GTF2IRD1: variants seen among roughly 807,000 people sequenced by gnomAD.
The protein encoded by GTF2IRD1 is GTF2I repeat domain containing 1, also known as general transcription factor II-I repeat domain-containing protein 1.
Under a neutral mutation model 113.2 loss-of-function variants are expected in GTF2IRD1, and 26 were observed. The observed-to-expected ratio is 0.23, with a 90% CI of 0.17 to 0.32. GTF2IRD1 has a LOEUF of 0.32. Ranked by LOEUF, GTF2IRD1 falls within the 10% of genes least tolerant of loss-of-function variation. The pLI is 1.00. For missense variants in GTF2IRD1, 864 were observed against 1,280.8 expected, an observed-to-expected ratio of 0.67 and a Z score of 4.97; for synonymous variants, 484 against 529.1, an observed-to-expected ratio of 0.91 and a Z score of 1.17.
intron 6 of GTF2IRD1, 105 bp downstream of exon 6, chr7:74,519,824 T>G: frequency 1.3e-6 from 1 of 772,350 alleles, no homozygotes; most frequent in Non-Finnish European, 2.1e-6. Flanking sequence ...CCTCTTAGGT[T>G]GGAAGGAGCC....
chr7:74,574,436 A>C (rs1583927589), intron 22 of GTF2IRD1, among the ~76,000 whole-genome samples: 1 of 145,370 alleles, frequency 6.9e-6, no homozygotes, highest in South Asian at 2.2e-4. Flanking sequence ...GAGCCACTAC[A>C]CCGGGCCTAG....
At chr7:74,532,957 G>A (rs1554349262) in intron 9 of GTF2IRD1, among the ~76,000 whole-genome samples, 1 of 151,920 alleles carries the variant, frequency 6.6e-6, no homozygotes, top group African/African-American at 2.4e-5. Flanking sequence ...ATAATCAGCT[G>A]CCTGAGGGCC....
intron 17 of GTF2IRD1, among the ~76,000 whole-genome samples, chr7:74,547,544 G>A (rs1207729991): frequency 4.0e-5 from 6 of 149,624 alleles, no homozygotes; most frequent in Admixed American, 3.4e-4. Context: ...CTTCAAGCGA[G>A]TCTCCTGCCT....
chr7:74,562,792 G>A (rs1735681992), intron 22 of GTF2IRD1, among the ~76,000 whole-genome samples: 1 of 151,880 alleles, frequency 6.6e-6, no homozygotes, highest in African/African-American at 2.4e-5. Flanking sequence ...TGACCAGGCT[G>A]GTCTCGAACT....
intron 1 of GTF2IRD1, among the ~76,000 whole-genome samples, chr7:74,502,603 G>A (rs556692557): frequency 1.3e-5 from 2 of 152,352 alleles, no homozygotes; most frequent in Admixed American, 6.5e-5. Context: ...CCCCAGCCTG[G>A]AGGCAGCCCT....
At chr7:74,566,006 A>ACACACACACAC (rs1800285278) in intron 22 of GTF2IRD1, among the ~76,000 whole-genome samples, 1 of 143,114 alleles carries the variant, frequency 7.0e-6, no homozygotes, top group African/African-American at 2.6e-5. Context: ...AAGACACACA[A>ACACACACACAC]ACACACACAC....
intron 9 of GTF2IRD1, among the ~76,000 whole-genome samples, chr7:74,531,974 G>A (rs1253179655): frequency 6.6e-6 from 1 of 152,138 alleles, no homozygotes; most frequent in Non-Finnish European, 1.5e-5. Flanking sequence ...TCACACCTCA[G>A]GGGCAGATAT....
At chr7:74,564,454 A>C (rs1800168598) in intron 22 of GTF2IRD1, among the ~76,000 whole-genome samples, 1 of 152,216 alleles carries the variant, frequency 6.6e-6, no homozygotes, top group African/African-American at 2.4e-5. Context: ...GTTCTGGGTC[A>C]AAAGAGATGA....
At chr7:74,517,831 G>C (rs1288068704) in intron 4 of GTF2IRD1, among the ~76,000 whole-genome samples, 2 of 151,984 alleles carry the variant, frequency 1.3e-5, no homozygotes, top group African/African-American at 4.8e-5. Flanking sequence ...CTGGGCCCTT[G>C]AGTCCCCGAT....
At chr7:74,576,813 G>A (rs1428923356) in intron 22 of GTF2IRD1, among the ~76,000 whole-genome samples, 2 of 151,226 alleles carry the variant, frequency 1.3e-5, no homozygotes, top group Non-Finnish European at 2.9e-5. Flanking sequence ...TAGAGACAGG[G>A]TTTCACCATG....
intron 1 of GTF2IRD1, among the ~76,000 whole-genome samples, chr7:74,460,044 C>T (rs1252345602): frequency 1.4e-5 from 2 of 146,510 alleles, no homozygotes; most frequent in East Asian, 2.1e-4. Flanking sequence ...GGCACAATCT[C>T]GGCTCACTGC....
intron 1 of GTF2IRD1, among the ~76,000 whole-genome samples, chr7:74,478,780 G>C (rs929898904): frequency 6.7e-6 from 1 of 148,536 alleles, no homozygotes; most frequent in African/African-American, 2.5e-5. Context: ...GGGTCTTGCT[G>C]TATTGTCCAG....
chr7:74,552,275 T>C (rs1350120473), intron 17 of GTF2IRD1, among the ~76,000 whole-genome samples: 26 of 152,046 alleles, frequency 1.7e-4, no homozygotes, highest in Non-Finnish European at 3.7e-4. Context: ...CCCAGCACTT[T>C]GTGGGGGTTG....
intron 2 of GTF2IRD1, among the ~76,000 whole-genome samples, chr7:74,509,208 T>G (rs1249227851): frequency 6.6e-6 from 1 of 151,870 alleles, no homozygotes; most frequent in Non-Finnish European, 1.5e-5. Flanking sequence ...AATATAAAAA[T>G]TAGCTGGGCC....
At chr7:74,571,415 C>G (rs1319576127) in intron 22 of GTF2IRD1, among the ~76,000 whole-genome samples, 3 of 152,174 alleles carry the variant, frequency 2.0e-5, no homozygotes, top group Non-Finnish European at 4.4e-5. Context: ...CCCTGGTAAG[C>G]TCTTCTGCTG....
intron 1 of GTF2IRD1, among the ~76,000 whole-genome samples, chr7:74,471,694 AAAAAAAAC>A (rs1794110488): frequency 2.4e-5 from 2 of 84,718 alleles, no homozygotes; most frequent in South Asian, 6.7e-4. Flanking sequence ...AAAAAACAAA[AAAAAAAAC>A]AAAAAAAACG....
intron 17 of GTF2IRD1, among the ~76,000 whole-genome samples, chr7:74,550,981 CA>C (rs1313707870): frequency 6.6e-6 from 1 of 152,084 alleles, no homozygotes; most frequent in Non-Finnish European, 1.5e-5. Flanking sequence ...GTCCAGGCTG[CA>C]GTGAGCTATG....
Position 74,587,403 on chromosome 7 carries a change from C to T in GTF2IRD1, c.2321-2448C>T, listed in dbSNP as rs1423127776. On this transcript the variant is annotated intron_variant, in intron 22 of 26. Transcript: ENST00000424337. ...AGGTTGCAGCGAACCGAGACCGTGC[C>T]ACTGCACTCCAGCCTGGGCAACAGA... 3.3e-5 allele frequency among the ~76,000 whole-genome samples: 5 copies of T among 152,076 alleles called. No individual in the cohort carries two copies. The South Asian group carries it at 1.0e-3, about 32-fold the overall frequency.
At chr7:74,501,133 C>G (rs1796004355) in intron 1 of GTF2IRD1, among the ~76,000 whole-genome samples, 1 of 152,034 alleles carries the variant, frequency 6.6e-6, no homozygotes, top group Non-Finnish European at 1.5e-5. Flanking sequence ...AGAAACGGAC[C>G]CTGCTGAGGG....
Sources: gnomAD v4.1 joint callset for allele counts (sites outside exome capture counted in the v4.1 genomes callset) on GRCh38, gnomAD v4.1.1 for gene constraint, MANE v1.5 for transcripts, NCBI Gene and HGNC (gene_info 2026-07-23, HGNC 2026-07-21) for gene names.